TFPT: variants seen among roughly 807,000 people sequenced by gnomAD.
TFPT encodes TCF3 fusion partner.
In TFPT, 27 loss-of-function variants were observed where a neutral mutation model predicts 28.8. That is an observed-to-expected ratio of 0.94 (90% confidence interval 0.69 to 1.29). The LOEUF (loss-of-function observed/expected upper bound fraction) is 1.29. Ranked by LOEUF, TFPT falls within the 50% of genes most tolerant of loss-of-function variation. TFPT has a pLI of 0.00. For missense variants in TFPT, 330 were observed against 338.0 expected (o/e 0.98, Z 0.19); for synonymous variants, 152 against 142.8 (o/e 1.06, Z -0.46).
At chr19:54,112,162 TGA>T (rs1318282520) in intron 2 of TFPT, among the ~76,000 whole-genome samples, 2 of 150,264 alleles carry the variant, frequency 1.3e-5, no homozygotes. Flanking sequence ...CTTCGGAGGC[TGA>T]GATTGCTAGA....
At chr19:54,111,994 C>G (rs1361582947) in intron 2 of TFPT, among the ~76,000 whole-genome samples, 1 of 151,432 alleles carries the variant, frequency 6.6e-6, no homozygotes, top group Non-Finnish European at 1.5e-5. Flanking sequence ...AAAAAGAGTT[C>G]AAGTTTTGGC....
Position 54,115,323 on chromosome 19 carries a change from T to C in TFPT, c.-54A>G. ...CAGAGCTTCCGACCTCTTCAATCTG[T>C]AGGTTAAGCCGTTCGCAAAACTACT... On this transcript the variant is annotated 5_prime_UTR_variant, in exon 1 of 6. Coordinates refer to ENST00000391759, the MANE Select transcript of TFPT (RefSeq NM_013342.4). The C allele has an allele frequency of 1.2e-6, 2 of 1,613,310 alleles. No homozygotes were observed. The highest frequency in any genetic ancestry group is 1.7e-6 in the Non-Finnish European group (2 of 1,179,896).
rs1259347654 is a variant in TFPT, at chr19:54,107,315, C to T, written c.643-146G>A. On this transcript the variant is annotated intron_variant, in intron 5 of 5. Coordinates refer to ENST00000391759, the MANE Select transcript of TFPT (RefSeq NM_013342.4). Reference sequence around the variant, plus strand: ...CCAGGCTGGAGTGCAGTGGTGCCATCATAGTTCACTGCAGCCTCTGCCTCC... The same window carrying T: ...CCAGGCTGGAGTGCAGTGGTGCCATTATAGTTCACTGCAGCCTCTGCCTCC... 5.6e-6 allele frequency: 6 copies of T among 1,076,692 alleles called. No homozygotes were observed. The African/African-American group carries it at 9.5e-5, about 17-fold the overall frequency. The allele number at this position is 1,076,692 out of a possible 1,614,324, so 66.7% of individuals were successfully genotyped here. A position where few individuals can be genotyped will look rare whatever the true frequency, so the allele number is the denominator to read the frequency against.
chr19:54,107,450 T>C (rs1568563156), intron 5 of TFPT: 3 of 439,482 alleles, frequency 6.8e-6, no homozygotes, highest in Admixed American at 3.9e-5. Flanking sequence ...GGTCTCAGTA[T>C]GTTGCTCAGG....
At chr19:54,111,207 A>G (rs16985368) in intron 2 of TFPT, among the ~76,000 whole-genome samples, 22,190 of 152,190 alleles carry the variant, frequency 0.15, 1,671 homozygotes, top group Admixed American at 0.2. Context: ...ACAGGGACCC[A>G]AAGACAGTGG....
At chr19:54,111,809 T>C (rs587633423) in intron 2 of TFPT, among the ~76,000 whole-genome samples, 3 of 147,858 alleles carry the variant, frequency 2.0e-5, no homozygotes, top group Admixed American at 6.8e-5. Context: ...GGTGAAACCC[T>C]GTCTCTACTA....
intron 2 of TFPT, among the ~76,000 whole-genome samples, chr19:54,113,870 T>C (rs982544451): frequency 6.6e-6 from 1 of 152,056 alleles, no homozygotes; most frequent in Non-Finnish European, 1.5e-5. Context: ...TTTTTTGTAT[T>C]TTAGTAGAGA....
intron 2 of TFPT, among the ~76,000 whole-genome samples, chr19:54,110,858 G>A (rs753898206): frequency 1.6e-4 from 25 of 152,126 alleles, no homozygotes; most frequent in Non-Finnish European, 3.2e-4. Context: ...CGCCTCTCCA[G>A]CCAGAGCATG....
At position 54,115,384 on chromosome 19, in the gene TFPT, C is replaced by T; in HGVS notation, c.-115G>A. On this transcript the variant is annotated 5_prime_UTR_variant, in exon 1 of 6. Transcript: ENST00000391759. The stretch of plus-strand genomic sequence containing the variant: ...GGCTCAGCAGCCGAGGACGGCGGGA[C>T]GTGGCCCTAGGCCTTGTGGGAGTTG... 6.6e-7 allele frequency: 1 copy of T among 1,507,032 alleles called. No homozygotes were observed. Among genetic ancestry groups the T allele is most frequent in the Non-Finnish European group, 9.2e-7 (1 of 1,091,676 alleles). The allele number at this position is 1,507,032 out of a possible 1,614,324, so 93.4% of individuals were successfully genotyped here.
chr19:54,112,673 C>CAGCTATTT (rs1232611555), intron 2 of TFPT, among the ~76,000 whole-genome samples: 2 of 151,976 alleles, frequency 1.3e-5, no homozygotes, highest in East Asian at 3.9e-4. Flanking sequence ...CCTGTAGTCC[C>CAGCTATTT]AGCTATTTTG....
Position 54,115,533 on chromosome 19 carries a change from T to C in TFPT, c.-264A>G, listed in dbSNP as rs1376264156. 7 of 588,276 alleles carry C rather than the reference T, an allele frequency of 1.2e-5. No homozygotes were observed. Among genetic ancestry groups the C allele is most frequent in the African/African-American group, 1.9e-5 (1 of 53,826 alleles). The allele number at this position is 588,276 out of a possible 1,614,324, so 36.4% of individuals were successfully genotyped here. A position where few individuals can be genotyped will look rare whatever the true frequency, so the allele number is the denominator to read the frequency against. On this transcript the variant is annotated 5_prime_UTR_variant, in exon 1 of 6. Coordinates refer to ENST00000391759, the MANE Select transcript of TFPT (RefSeq NM_013342.4). ...TCTGAGTTGCCAACGTCTTTCTTCTTGTCTCGACGCCCCGTCGTCCGGCCA... is the reference window on the plus strand; with the variant it reads ...TCTGAGTTGCCAACGTCTTTCTTCTCGTCTCGACGCCCCGTCGTCCGGCCA...
At chr19:54,114,930 C>T (rs1371454075) in intron 1 of TFPT, 5 of 686,238 alleles carry the variant, frequency 7.3e-6, no homozygotes, top group Non-Finnish European at 2.4e-6. Context: ...CAAGCCCTGA[C>T]CCCCTCCTCC....
intron 2 of TFPT, among the ~76,000 whole-genome samples, chr19:54,113,166 C>T (rs2073503877): frequency 6.6e-6 from 1 of 151,202 alleles, no homozygotes; most frequent in African/African-American, 2.4e-5. Context: ...CTTTAACCCC[C>T]AGTACCTCAG....
rs970875427 is a variant in TFPT at position 54,108,369 on chromosome 19, T to C, written c.380A>G (p.Tyr127Cys). Residue 127 changes from tyrosine (Y) to cysteine (C), a missense_variant, in exon 4 of 6, where the codon TAC (tyrosine) becomes TGC (cysteine). Physicochemically the swap from Tyr to Cys is radical, Grantham distance 194 (BLOSUM62 -2). Transcript: ENST00000391759. ...CTGGCTGGCCCGGTAGTCATCCCCGTAGGAGTCCAGCACTCTCATGAGGAA... is the reference window on the plus strand; with the variant it reads ...CTGGCTGGCCCGGTAGTCATCCCCGCAGGAGTCCAGCACTCTCATGAGGAA... The part of the protein sequence containing the change: ...RRFLMRVLDS[Y>C]GDDYRASQFT... The C allele has an allele frequency of 3.1e-6, 5 of 1,612,846 alleles. No homozygotes were observed. The highest frequency in any genetic ancestry group is 4.2e-6 in the Non-Finnish European group (5 of 1,179,436).
At position 54,114,740 on chromosome 19, in the gene TFPT, A is replaced by AC. The variant is rs1223799600; in HGVS notation, c.24-41dup. On this transcript the variant is annotated intron_variant, in intron 1 of 5. Coordinates refer to ENST00000391759, the MANE Select transcript of TFPT (RefSeq NM_013342.4). ...AAGGCTCAGGGGCCCTGGATCCTGG[A>AC]CCCCCAGCCCCTTCTCCCACTGAAC... 5.1e-6 allele frequency: 8 copies of AC among 1,580,064 alleles called. No individual in the cohort carries two copies. In the Admixed American group the frequency reaches 7.1e-5, roughly 14 times the overall value.
At chr19:54,113,941 C>A (rs1195477111) in intron 2 of TFPT, among the ~76,000 whole-genome samples, 1 of 152,210 alleles carries the variant, frequency 6.6e-6, no homozygotes, top group East Asian at 1.9e-4. Flanking sequence ...GATCCGCCTG[C>A]CTCAGCCTCC....
At chr19:54,112,742 T>C (rs2073489357) in intron 2 of TFPT, among the ~76,000 whole-genome samples, 1 of 151,758 alleles carries the variant, frequency 6.6e-6, no homozygotes, top group Admixed American at 6.6e-5. Context: ...TGAGCTGAGA[T>C]TGCGCCACTG....
At chr19:54,111,288 A>G (rs2073445285) in intron 2 of TFPT, among the ~76,000 whole-genome samples, 1 of 152,116 alleles carries the variant, frequency 6.6e-6, no homozygotes, top group Non-Finnish European at 1.5e-5. Context: ...CACGCCTGTA[A>G]TCCCAGCACT....
rs774394174 is a variant in TFPT at position 54,114,661 on chromosome 19, C to A, written c.63G>T (p.Pro21=). The change falls in exon 2 of 6, where the codon CCG becomes CCT. Residue 21 remains proline, a synonymous_variant. Coordinates refer to ENST00000391759, the MANE Select transcript of TFPT (RefSeq NM_013342.4). ...AAVGFEEFSA[P]PGSELALPPL... ...GAGGCAACGCCAACTCTGAGCCTGG[C>A]GGCGCTGAGAACTCCTCAAAGCCCA... 1.9e-6 allele frequency: 3 copies of A among 1,613,898 alleles called. No individual in the cohort carries two copies. The highest frequency in any genetic ancestry group is 2.5e-6 in the Non-Finnish European group (3 of 1,180,038).
Sources: gnomAD v4.1 joint callset for allele counts (sites outside exome capture counted in the v4.1 genomes callset) on GRCh38, gnomAD v4.1.1 for gene constraint, MANE v1.5 for transcripts, NCBI Gene and HGNC (gene_info 2026-07-23, HGNC 2026-07-21) for gene names.